SLC26A7: variants seen among roughly 807,000 people sequenced by gnomAD.
SLC26A7 encodes solute carrier family 26 member 7, also known as anion exchange transporter.
A neutral mutation model predicts 82.5 loss-of-function variants in SLC26A7; 59 were observed. The ratio of observed to expected loss-of-function variants is 0.72; its 90% CI spans 0.58 to 0.89. The LOEUF (loss-of-function observed/expected upper bound fraction) is 0.89, where lower values mean the gene tolerates loss of function less well. Ranked by LOEUF, SLC26A7 falls within the 40% of genes least tolerant of loss-of-function variation. The probability of loss-of-function intolerance (pLI) is 0.00; values close to 1 mark genes in which losing one functional copy is unlikely to be tolerated. For synonymous variants in SLC26A7, 271 were observed against 274.3 expected, an observed-to-expected ratio of 0.99 and a Z score of 0.12; for missense variants, 820 against 793.0, an observed-to-expected ratio of 1.03 and a Z score of -0.41.
intron 2 of SLC26A7, among the ~76,000 whole-genome samples, chr8:91,234,479 G>GT (rs149698888): frequency 4.3e-4 from 63 of 146,570 alleles, no homozygotes; most frequent in Admixed American, 1.6e-3. Flanking sequence ...TGGCCCTTCT[G>GT]TTTTTTTTTT....
intron 2 of SLC26A7, among the ~76,000 whole-genome samples, chr8:91,227,017 T>A (rs62526744): frequency 4.1e-3 from 625 of 152,354 alleles, no homozygotes; most frequent in Non-Finnish European, 6.8e-3. Context: ...TTCTGCCCTG[T>A]GGGGTCAACT....
intron 4 of SLC26A7, among the ~76,000 whole-genome samples, chr8:91,316,952 GA>G (rs1812649473): frequency 9.1e-6 from 1 of 109,646 alleles, no homozygotes; most frequent in Middle Eastern, 0.011. Context: ...CCAAGATTTT[GA>G]AACTAGCTTG....
intron 5 of SLC26A7, among the ~76,000 whole-genome samples, chr8:91,321,917 G>T (rs1279036884): frequency 6.6e-6 from 1 of 152,148 alleles, no homozygotes; most frequent in Non-Finnish European, 1.5e-5. Flanking sequence ...TCTGTTTTGT[G>T]CACTGATGAT....
chr8:91,395,040 A>G (rs778597035), intron 18 of SLC26A7, 22 bp from the exon 19 acceptor site: 1 of 1,611,748 alleles, frequency 6.2e-7, no homozygotes, highest in African/African-American at 1.3e-5. Context: ...GCACATACTT[A>G]CTTCTTCCTC....
At chr8:91,320,954 A>C (rs1812773786) in intron 5 of SLC26A7, among the ~76,000 whole-genome samples, 1 of 152,218 alleles carries the variant, frequency 6.6e-6, no homozygotes, top group Admixed American at 6.5e-5. Flanking sequence ...CATGATTCCT[A>C]ATAGTCCCAG....
At chr8:91,277,687 A>G (rs986120651) in intron 2 of SLC26A7, among the ~76,000 whole-genome samples, 8 of 152,250 alleles carry the variant, frequency 5.3e-5, no homozygotes, top group Non-Finnish European at 1.2e-4. Context: ...TCTGTATAAG[A>G]AAACTTAAAA....
intron 9 of SLC26A7, chr8:91,344,275 G>C (rs1813500338): frequency 1.1e-6 from 1 of 891,746 alleles, no homozygotes. Context: ...ACTTACCCAG[G>C]TCATAGAGGT....
chr8:91,216,432 G>A (rs980147647), intron 1 of SLC26A7, among the ~76,000 whole-genome samples: 3 of 152,080 alleles, frequency 2.0e-5, no homozygotes, highest in East Asian at 1.9e-4. Context: ...ATCAGATGTC[G>A]AACTTGTTTC....
chr8:91,390,310 G>A (rs549119096), intron 16 of SLC26A7, among the ~76,000 whole-genome samples: 1 of 151,988 alleles, frequency 6.6e-6, no homozygotes, highest in Non-Finnish European at 1.5e-5. Context: ...GTAGAGACGG[G>A]GTTTCACCAT....
At chr8:91,293,861 G>A (rs1200520140) in intron 3 of SLC26A7, among the ~76,000 whole-genome samples, 6 of 152,158 alleles carry the variant, frequency 3.9e-5, no homozygotes, top group East Asian at 3.8e-4. Flanking sequence ...TTGATCTCCC[G>A]AGCATCGTGT....
At chr8:91,302,083 G>C (rs1812181978) in intron 4 of SLC26A7, among the ~76,000 whole-genome samples, 1 of 151,844 alleles carries the variant, frequency 6.6e-6, no homozygotes, top group South Asian at 2.1e-4. Context: ...AATAGTTTAT[G>C]TTACCTAATT....
intron 15 of SLC26A7, among the ~76,000 whole-genome samples, chr8:91,372,583 G>A (rs1169697973): frequency 6.6e-6 from 1 of 151,854 alleles, no homozygotes; most frequent in Non-Finnish European, 1.5e-5. Context: ...CTGTTCCATT[G>A]ATCTATGTAT....
chr8:91,254,502 C>A (rs746753394), intron 2 of SLC26A7, among the ~76,000 whole-genome samples: 3 of 152,134 alleles, frequency 2.0e-5, no homozygotes, highest in Non-Finnish European at 2.9e-5. Context: ...ACCTTCAGGT[C>A]TGTGAACCTG....
intron 5 of SLC26A7, among the ~76,000 whole-genome samples, chr8:91,321,298 T>C (rs953458474): frequency 3.9e-5 from 6 of 152,232 alleles, no homozygotes. Flanking sequence ...CCCTCTTAGA[T>C]GATAGATAAC....
chr8:91,340,413 A>T lies in SLC26A7; in HGVS notation c.888A>T (p.Ser296=). ...GTCCTTCTTTCCACAGAATTCCCTC[A>T]CCTAGAGCTCCCCCGATGAACATCC... ...VVGHIPQGIP[S]PRAPPMNILS... Residue 296 remains serine, a synonymous_variant, in exon 8 of 19, where the codon TCA becomes TCT. Coordinates refer to ENST00000276609, the MANE Select transcript of SLC26A7 (RefSeq NM_052832.4). 1 of 1,613,776 alleles carries T rather than the reference A, an allele frequency of 6.2e-7. No individual in the cohort carries two copies. Among genetic ancestry groups the T allele is most frequent in the Non-Finnish European group, 8.5e-7 (1 of 1,179,812 alleles).
Position 91,334,400 on chromosome 8 carries a change from C to G in SLC26A7, c.748C>G (p.Gln250Glu). 6.2e-7 allele frequency: 1 copy of G among 1,613,122 alleles called. No individual in the cohort carries two copies. Among genetic ancestry groups the G allele is most frequent in the Non-Finnish European group, 8.5e-7 (1 of 1,179,460 alleles). ...VLVLVKELNE[Q>E]FKRKIKVVLP... ...TGTTCTTGTTAAAGAGCTGAATGAACAGTTTAAAAGGAAAATTAAAGTTGT... is the reference window on the plus strand; with the variant it reads ...TGTTCTTGTTAAAGAGCTGAATGAAGAGTTTAAAAGGAAAATTAAAGTTGT... Residue 250 changes from glutamine (Q) to glutamate (E), a missense_variant, in exon 6 of 19, where the codon CAG (glutamine) becomes GAG (glutamate). Gln to Glu is a conservative substitution (Grantham distance 29). Transcript: ENST00000276609.
intron 2 of SLC26A7, among the ~76,000 whole-genome samples, chr8:91,234,825 C>CCTTCCTTCCTTCCTTCCTTCCTTCCT (rs1563637500): frequency 1.6e-4 from 14 of 86,526 alleles, no homozygotes; most frequent in African/African-American, 5.6e-4. Flanking sequence ...ACCTACCTAC[C>CCTTCCTTCCTTCCTTCCTTCCTTCCT]TACTTCCTTC....
At chr8:91,358,329 C>CT (rs71273702) in intron 11 of SLC26A7, among the ~76,000 whole-genome samples, 19,197 of 133,272 alleles carry the variant, frequency 0.14, 1,697 homozygotes, top group African/African-American at 0.23. Context: ...TTTTCTTTTT[C>CT]TTTTTTTTTT....
chr8:91,229,016 T>C (rs761938409), intron 2 of SLC26A7, among the ~76,000 whole-genome samples: 2 of 152,138 alleles, frequency 1.3e-5, no homozygotes, highest in South Asian at 2.1e-4. Flanking sequence ...AACTTAGGAG[T>C]GGACGGACAA....
Sources: gnomAD v4.1 joint callset for allele counts (sites outside exome capture counted in the v4.1 genomes callset) on GRCh38, gnomAD v4.1.1 for gene constraint, MANE v1.5 for transcripts, NCBI Gene and HGNC (gene_info 2026-07-23, HGNC 2026-07-21) for gene names.